Variants in AGO4 observed in about 807,000 individuals in gnomAD.
AGO4 encodes argonaute RISC component 4.
In AGO4, 33 loss-of-function variants were observed where a neutral mutation model predicts 104.7. The observed-to-expected ratio is 0.32, with a 90% confidence interval of 0.24 to 0.42. The LOEUF is 0.42. Ranked by LOEUF, AGO4 falls within the 10% of genes least tolerant of loss-of-function variation. AGO4 has a pLI of 1.00. For synonymous variants in AGO4, 331 were observed against 364.7 expected (o/e 0.91, Z 1.05); for missense variants, 711 against 1,083.4 (o/e 0.66, Z 4.83).
chr1:35,816,885 C>T lies in AGO4; in HGVS notation c.23C>T (p.Pro8Leu). The change falls in exon 2 of 18, where the codon CCT becomes CTT. Residue 8 changes from proline (P) to leucine (L), a missense_variant. Physicochemically the swap from Pro to Leu is moderately conservative, Grantham distance 98 (BLOSUM62 -3). Transcript: ENST00000373210. MEALGPG[P>L]PASLFQPPRR... ...AAATGTCTTTCAATCTCTTTAGGAC[C>T]TCCGGCTAGCCTGTTTCAGCCACCT... The T allele has an allele frequency of 1.9e-6, 3 of 1,610,482 alleles. No homozygotes were observed. Among genetic ancestry groups the T allele is most frequent in the South Asian group, 2.2e-5 (2 of 90,504 alleles).
chr1:35,817,022 G>GA lies in AGO4; in HGVS notation c.165dup (p.Arg56ThrfsTer4). The GA allele has an allele frequency of 1.2e-6, 2 of 1,610,658 alleles. No homozygotes were observed. The highest frequency in any genetic ancestry group is 1.7e-6 in the Non-Finnish European group (2 of 1,178,228). ...TCACTATGATGTGGATATTAAGCCT[G>GA]AAAAACGGCCTCGTAGAGTCAACAG... On this transcript the variant is annotated frameshift_variant, in exon 2 of 18. Coordinates refer to ENST00000373210, the MANE Select transcript of AGO4 (RefSeq NM_017629.4). LOFTEE classifies it high-confidence loss of function.
At chr1:35,815,730 G>A (rs1252501348) in intron 1 of AGO4, among the ~76,000 whole-genome samples, 1 of 152,022 alleles carries the variant, frequency 6.6e-6, no homozygotes, top group Non-Finnish European at 1.5e-5. Context: ...TTGTTGTGGG[G>A]GGCTATCTTA....
Position 35,852,088 on chromosome 1 carries a change from A to G in AGO4, c.2477+1035A>G, listed in dbSNP as rs539406432. Among the ~76,000 whole-genome samples the G allele has an allele frequency of 2.6e-5, 4 of 152,238 alleles. No homozygotes were observed. In the South Asian group the frequency reaches 8.3e-4, roughly 31 times the overall value. On this transcript the variant is annotated intron_variant, in intron 17 of 17. Coordinates refer to ENST00000373210, the MANE Select transcript of AGO4 (RefSeq NM_017629.4). ...GAGAGAACAAGGGACACAAAGGGGA[A>G]AAAGCAAGTGGCATGTTTGTACAGT...
rs969472953 is a variant in AGO4, at chr1:35,811,161, C to A, written c.19+2726C>A. 4.6e-5 allele frequency among the ~76,000 whole-genome samples: 7 copies of A among 151,208 alleles called. No individual in the cohort carries two copies. In the East Asian group the frequency reaches 7.8e-4, roughly 17 times the overall value. ...ACAAAACAAAACAACAAAAAAAAAC[C>A]AACCAAACCACAACAAAAAAACACC... is the stretch of plus-strand genomic sequence containing the variant. On this transcript the variant is annotated intron_variant, in intron 1 of 17. Coordinates refer to ENST00000373210, the MANE Select transcript of AGO4 (RefSeq NM_017629.4).
intron 11 of AGO4, 144 bp downstream of exon 11, chr1:35,832,714 T>C: frequency 9.0e-7 from 1 of 1,114,878 alleles, no homozygotes; most frequent in Non-Finnish European, 1.2e-6. Context: ...GACCTTGTAT[T>C]ATAGTAATTT....
At chr1:35,818,394 C>T (rs1304059808) in intron 2 of AGO4, among the ~76,000 whole-genome samples, 2 of 151,918 alleles carry the variant, frequency 1.3e-5, no homozygotes, top group African/African-American at 2.4e-5. Context: ...GAGGCTGAGG[C>T]GGGCAGATCA....
At position 35,828,012 on chromosome 1, in the gene AGO4, T is replaced by C. The variant is rs147736454; in HGVS notation, c.848+1177T>C. On this transcript the variant is annotated intron_variant, in intron 7 of 17. Coordinates refer to ENST00000373210, the MANE Select transcript of AGO4 (RefSeq NM_017629.4). Reference sequence around the variant, plus strand: ...TGCCCGCCTCGGCCTCCCAAAGTGCTGGGACTACAGGTGTGAACCAGCACA... The same window carrying C: ...TGCCCGCCTCGGCCTCCCAAAGTGCCGGGACTACAGGTGTGAACCAGCACA... 2.7e-3 allele frequency among the ~76,000 whole-genome samples: 414 copies of C among 152,090 alleles called. 4 individuals are homozygous for C. Among genetic ancestry groups the C allele is most frequent in the African/African-American group, 9.0e-3 (372 of 41,488 alleles).
chr1:35,813,797 AGAAG>A (rs1001421469), intron 1 of AGO4, among the ~76,000 whole-genome samples: 7 of 149,536 alleles, frequency 4.7e-5, no homozygotes, highest in African/African-American at 1.5e-4. Flanking sequence ...GGAAGAAGGA[AGAAG>A]GAAGGAAGAA....
chr1:35,835,574 G>A (rs1401132110), intron 12 of AGO4, among the ~76,000 whole-genome samples: 1 of 152,110 alleles, frequency 6.6e-6, no homozygotes, highest in Non-Finnish European at 1.5e-5. Flanking sequence ...GTCGTGGCAG[G>A]CAGCACAGAG....
chr1:35,847,648 G>C (rs1249998502), intron 15 of AGO4, among the ~76,000 whole-genome samples: 1 of 151,468 alleles, frequency 6.6e-6, no homozygotes, highest in East Asian at 2.0e-4. Flanking sequence ...CAATGTAAAG[G>C]CTTAAATAGT....
Position 35,832,418 on chromosome 1 carries a change from C to CTTTTT in AGO4, c.1246-10_1246-6dup. 4.3e-6 allele frequency: 5 copies of CTTTTT among 1,152,170 alleles called. No homozygotes were observed. Among genetic ancestry groups the CTTTTT allele is most frequent in the South Asian group, 1.6e-5 (1 of 60,938 alleles). The allele number at this position is 1,152,170 out of a possible 1,614,324, so 71.4% of individuals were successfully genotyped here. The stretch of plus-strand genomic sequence containing the variant: ...TTTGTTTCTTCTTCTTCTTCTTCTT[C>CTTTTT]TTTTTTTTTTTTTCAAAGAATAAAA... On this transcript the variant is annotated intron_variant, in intron 10 of 17. Coordinates refer to ENST00000373210, the MANE Select transcript of AGO4 (RefSeq NM_017629.4).
rs771076897 is a variant in AGO4, at chr1:35,841,603, TTC to T, written c.2041-11_2041-10del. 8.7e-6 allele frequency: 14 copies of T among 1,614,028 alleles called. No individual in the cohort carries two copies. The South Asian group carries it at 1.5e-4, about 18-fold the overall frequency. ...AATTCTCAATTAAACATAATTCCAT[TTC>T]TGTCTTCTAGGTAGCTTGGCCAGAA... On this transcript the variant is annotated splice_polypyrimidine_tract_variant and intron_variant, in intron 14 of 17. Transcript: ENST00000373210. The surrounding 1 kb of genome is among the most constrained non-coding windows in gnomAD (Gnocchi z 4.7).
At chr1:35,834,223 A>T in intron 12 of AGO4, 49 bp downstream of exon 12, 5 of 1,425,460 alleles carry the variant, frequency 3.5e-6, no homozygotes, top group Non-Finnish European at 3.7e-6. Context: ...AGCAGTAGAT[A>T]TAACAGTCAG....
intron 15 of AGO4, among the ~76,000 whole-genome samples, chr1:35,846,553 CA>C (rs1644578114): frequency 6.6e-6 from 1 of 151,364 alleles, no homozygotes; most frequent in Non-Finnish European, 1.5e-5. Flanking sequence ...GCTGAGATGG[CA>C]CCACTGCACT....
chr1:35,814,302 ATTTC>A lies in AGO4; in HGVS notation c.20-2576_20-2573del, dbSNP rs1019818463. 8.2e-4 allele frequency among the ~76,000 whole-genome samples: 124 copies of A among 152,082 alleles called. 1 individual carries two copies. Among genetic ancestry groups the A allele is most frequent in the African/African-American group, 2.9e-3 (122 of 41,488 alleles). On this transcript the variant is annotated intron_variant, in intron 1 of 17. Coordinates refer to ENST00000373210, the MANE Select transcript of AGO4 (RefSeq NM_017629.4). ...TATTGAGAAGATTAATAGGAGGTTC[ATTTC>A]TTTTTTTTAAATTTTTTTTATTATA... is the stretch of plus-strand genomic sequence containing the variant.
At chr1:35,826,725 T>C (rs1475486005) in intron 6 of AGO4, 23 bp from the exon 7 acceptor site, 1 of 1,599,488 alleles carries the variant, frequency 6.3e-7, no homozygotes, top group Non-Finnish European at 8.6e-7. Flanking sequence ...AACTGATGTT[T>C]TGCCTTTTAA....
rs2148694289 is a variant in AGO4, at chr1:35,854,997, A to G, written c.*1392A>G. On this transcript the variant is annotated 3_prime_UTR_variant, in exon 18 of 18. Coordinates refer to ENST00000373210, the MANE Select transcript of AGO4 (RefSeq NM_017629.4). ...ATGGGATTCCTTTCTTGTCCAAACA[A>G]AGGGAGTTGCTCTAAAGCGAGCATC... The G allele has an allele frequency of 6.5e-6, 1 of 152,782 alleles. No homozygotes were observed. The highest frequency in any genetic ancestry group is 3.4e-3 in the Middle Eastern group (1 of 294). The allele number at this position is 152,782 out of a possible 1,614,324, so 9.5% of individuals were successfully genotyped here.
chr1:35,824,800 C>CA (rs938784569), intron 3 of AGO4, among the ~76,000 whole-genome samples: 3 of 151,754 alleles, frequency 2.0e-5, no homozygotes, highest in Non-Finnish European at 2.9e-5. Context: ...GACCCTGTCT[C>CA]AAAAAAAACT....
rs893355117 is a variant in AGO4 at position 35,856,252 on chromosome 1, C to G, written c.*2647C>G. The G allele has an allele frequency of 1.3e-5, 2 of 152,188 alleles. No individual in the cohort carries two copies. Among genetic ancestry groups the G allele is most frequent in the African/African-American group, 4.8e-5 (2 of 41,440 alleles). The allele number at this position is 152,188 out of a possible 1,614,324, so 9.4% of individuals were successfully genotyped here. A position where few individuals can be genotyped will look rare whatever the true frequency, so the allele number is the denominator to read the frequency against. ...CTTGCTGAGGGGTGAATCTTTAGAG[C>G]TAATCACTGCAGAATCAGAGTTGCA... On this transcript the variant is annotated 3_prime_UTR_variant, in exon 18 of 18. Transcript: ENST00000373210.
Sources: gnomAD v4.1 joint callset for allele counts (sites outside exome capture counted in the v4.1 genomes callset) on GRCh38, gnomAD v4.1.1 for gene constraint, Gnocchi (gnomAD v3.1) non-coding constraint, MANE v1.5 for transcripts, NCBI Gene and HGNC (gene_info 2026-07-23, HGNC 2026-07-21) for gene names.